The following DHRS13 variants were observed in gnomAD, a reference collection of about 807,000 sequenced individuals.
DHRS13 encodes the protein dehydrogenase/reductase SDR family member 13.
In DHRS13, 22 loss-of-function variants were observed where a neutral mutation model predicts 17.9. That is an observed-to-expected ratio of 1.23 (90% confidence interval 0.88 to 1.75). The LOEUF is 1.75. DHRS13 is among the 40% of genes most tolerant of loss of function. DHRS13 has a pLI of 0.00. For missense variants in DHRS13, 483 were observed against 519.9 expected, an observed-to-expected ratio of 0.93 and a Z score of 0.69; for synonymous variants, 206 against 220.4, an observed-to-expected ratio of 0.93 and a Z score of 0.58.
In DHRS13 at chr17:28,902,566, C is replaced by A. The variant is rs781307875; in HGVS notation, c.246+17G>T. On this transcript the variant is annotated intron_variant, in intron 2 of 4. Transcript: ENST00000378895. This position sits in a 1 kb window ranked among gnomAD's most constrained non-coding sequence, Gnocchi z 4.0. ...GGTTCTCGGCTCACCGTCCCACGCG[C>A]CCCCGCTGCCTCTCACCTGGCGGAG... The A allele has an allele frequency of 1.4e-6, 2 of 1,475,244 alleles. No homozygotes were observed. The highest frequency in any genetic ancestry group is 1.8e-6 in the Non-Finnish European group (2 of 1,121,520). The allele number at this position is 1,475,244 out of a possible 1,614,324, so 91.4% of individuals were successfully genotyped here. A position where few individuals can be genotyped will look rare whatever the true frequency, so the allele number is the denominator to read the frequency against.
Position 28,899,913 on chromosome 17 carries a change from TTC to T in DHRS13, c.683-1023_683-1022del, listed in dbSNP as rs2039793324. Among the ~76,000 whole-genome samples the T allele has an allele frequency of 6.6e-6, 1 of 151,438 alleles. No individual in the cohort carries two copies. The highest frequency in any genetic ancestry group is 2.1e-4 in the South Asian group (1 of 4,814). On this transcript the variant is annotated intron_variant, in intron 4 of 4. Transcript: ENST00000378895. This position sits in a 1 kb window ranked among gnomAD's most constrained non-coding sequence, Gnocchi z 4.7. Reference sequence around the variant, plus strand: ...AGTAGAGACAGGTTTTCTTTTTTTTTTCTTTTTTCTTTTTTTTTGAGATGGAG... The same window carrying T: ...AGTAGAGACAGGTTTTCTTTTTTTTTTTTTTTCTTTTTTTTTGAGATGGAG...
chr17:28,902,900 G>T lies in DHRS13; in HGVS notation c.45C>A (p.Tyr15Ter). 1.3e-5 allele frequency: 20 copies of T among 1,555,188 alleles called. No individual in the cohort carries two copies. Among genetic ancestry groups the T allele is most frequent in the Non-Finnish European group, 1.6e-5 (18 of 1,158,768 alleles). ...LLGAGLLLGA[Y>*]VLVYYNLVKA... ...TCACCAGGTTGTAGTAGACAAGCAC[G>T]TAAGCGCCCAGCAGCAACCCCGCGC... Residue 15 changes from tyrosine (Y) to a stop codon, truncating the protein, a stop_gained, in exon 1 of 5, where the codon TAC becomes TAA. Coordinates refer to ENST00000378895, the MANE Select transcript of DHRS13 (RefSeq NM_144683.4). LOFTEE classifies it high-confidence loss of function. The surrounding 1 kb of genome is among the most constrained non-coding windows in gnomAD (Gnocchi z 4.0).
At chr17:28,898,983 C>G in intron 4 of DHRS13, 91 bp from the exon 5 acceptor site, 6 of 1,324,208 alleles carry the variant, frequency 4.5e-6, no homozygotes, top group Non-Finnish European at 6.1e-6. Flanking sequence ...AGGAGGATCA[C>G]TTGAGCCCAG....
intron 4 of DHRS13, among the ~76,000 whole-genome samples, chr17:28,900,426 GAT>G (rs1849552066): frequency 6.6e-6 from 1 of 152,184 alleles, no homozygotes; most frequent in South Asian, 2.1e-4. Flanking sequence ...CACCTTTATA[GAT>G]ATGTCTTCCT....
At position 28,898,044 on chromosome 17, in the gene DHRS13, G is replaced by T; in HGVS notation, c.*397C>A. ...GCCTAATTCCGCTTCATTAACATGG[G>T]GGTAATTTAACTACCTAGCTAGACG... On this transcript the variant is annotated 3_prime_UTR_variant, in exon 5 of 5. Coordinates refer to ENST00000378895, the MANE Select transcript of DHRS13 (RefSeq NM_144683.4). 1 of 231,682 alleles carries T rather than the reference G, an allele frequency of 4.3e-6. No individual in the cohort carries two copies. The highest frequency in any genetic ancestry group is 8.4e-6 in the Non-Finnish European group (1 of 119,476). 14.4% of individuals were successfully genotyped at this position (231,682 alleles called of 1,614,324 possible).
At position 28,901,384 on chromosome 17, in the gene DHRS13, G is replaced by T; in HGVS notation, c.371-83C>A. Reference sequence around the variant, plus strand: ...TCCCTATCTATGAGATGGGAGAAGGGGGCATCCTTCCCATGTGTCCACTGG... The same window carrying T: ...TCCCTATCTATGAGATGGGAGAAGGTGGCATCCTTCCCATGTGTCCACTGG... On this transcript the variant is annotated intron_variant, in intron 3 of 4. Coordinates refer to ENST00000378895, the MANE Select transcript of DHRS13 (RefSeq NM_144683.4). The surrounding 1 kb of genome is among the most constrained non-coding windows in gnomAD (Gnocchi z 4.3). 6.3e-7 allele frequency: 1 copy of T among 1,588,682 alleles called. No individual in the cohort carries two copies. Among genetic ancestry groups the T allele is most frequent in the Non-Finnish European group, 8.6e-7 (1 of 1,166,586 alleles).
chr17:28,898,968 G>A (rs1375552792), intron 4 of DHRS13, 76 bp from the exon 5 acceptor site: 34 of 1,398,994 alleles, frequency 2.4e-5, no homozygotes, highest in Admixed American at 8.4e-5. Context: ...CTCGGGAGGC[G>A]GAGCAGGAGG....
chr17:28,899,035 CT>C lies in DHRS13; in HGVS notation c.683-144del. ...TGGGCAACATAGTCAAGCTCTGTCT[CT>C]TTAAAAAAAAAAACAACAACAAAAA... On this transcript the variant is annotated intron_variant, in intron 4 of 4. Transcript: ENST00000378895. The surrounding 1 kb of genome is among the most constrained non-coding windows in gnomAD (Gnocchi z 4.7). 1.2e-5 allele frequency: 8 copies of C among 643,426 alleles called. No individual in the cohort carries two copies. The highest frequency in any genetic ancestry group is 2.0e-5 in the Non-Finnish European group (8 of 405,300). 39.9% of individuals were successfully genotyped at this position (643,426 alleles called of 1,614,324 possible).
At position 28,902,928 on chromosome 17, in the gene DHRS13, A is replaced by T; in HGVS notation, c.17T>A (p.Leu6Gln). The T allele has an allele frequency of 6.5e-7, 1 of 1,546,146 alleles. No individual in the cohort carries two copies. The highest frequency in any genetic ancestry group is 8.7e-7 in the Non-Finnish European group (1 of 1,154,136). MEALL[L>Q]GAGLLLGAYV... Reference sequence around the variant, plus strand: ...AGCGCCCAGCAGCAACCCCGCGCCCAGCAGCAGCGCCTCCATGCCGGCCGC... The same window carrying T: ...AGCGCCCAGCAGCAACCCCGCGCCCTGCAGCAGCGCCTCCATGCCGGCCGC... The change falls in exon 1 of 5, where the codon CTG becomes CAG. Residue 6 changes from leucine to glutamine, a missense_variant. Coordinates refer to ENST00000378895, the MANE Select transcript of DHRS13 (RefSeq NM_144683.4). The surrounding 1 kb of genome is among the most constrained non-coding windows in gnomAD (Gnocchi z 4.0).
chr17:28,898,961 G>C (rs908205243), intron 4 of DHRS13, 69 bp from the exon 5 acceptor site: 1 of 1,444,982 alleles, frequency 6.9e-7, no homozygotes, highest in African/African-American at 1.4e-5. Context: ...ACAGCTACTC[G>C]GGAGGCGGAG....
rs573676535 is a variant in DHRS13, at chr17:28,900,996, G to T, written c.676C>A (p.His226Asn). 1 of 1,591,604 alleles carries T rather than the reference G, an allele frequency of 6.3e-7. No homozygotes were observed. Among genetic ancestry groups the T allele is most frequent in the East Asian group, 2.2e-5 (1 of 44,554 alleles). Residue 226 changes from histidine (H) to asparagine (N), a missense_variant, in exon 4 of 5, where the codon CAC (histidine) becomes AAC (asparagine). Transcript: ENST00000378895. ...EATGVTCYAA[H>N]PGPVNSELFL... ...CCAAAGAACCAGACCTCACCTGGGT[G>T]GGCTGCATAGCAGGTGACGCCAGTG...
chr17:28,902,494 A>G lies in DHRS13; in HGVS notation c.246+89T>C. On this transcript the variant is annotated intron_variant, in intron 2 of 4. Transcript: ENST00000378895. This position sits in a 1 kb window ranked among gnomAD's most constrained non-coding sequence, Gnocchi z 4.0. ...GCCCGCGCCGCGCTCTCCTCCCTGG[A>G]CCCGGATCCTCCGCAGCCCCTTTGC... The G allele has an allele frequency of 7.8e-7, 1 of 1,283,960 alleles. No individual in the cohort carries two copies. The highest frequency in any genetic ancestry group is 1.7e-5 in the South Asian group (1 of 59,688). The allele number at this position is 1,283,960 out of a possible 1,614,324, so 79.5% of individuals were successfully genotyped here. A position where few individuals can be genotyped will look rare whatever the true frequency, so the allele number is the denominator to read the frequency against.
intron 4 of DHRS13, 103 bp from the exon 5 acceptor site, chr17:28,898,995 AG>A (rs1433225247): frequency 2.6e-6 from 3 of 1,140,806 alleles, no homozygotes; most frequent in Non-Finnish European, 3.6e-6. Context: ...TGAGCCCAGG[AG>A]TTTGAGACCA....
rs1455487060 is a variant in DHRS13, at chr17:28,899,984, G to A, written c.682+1006C>T. On this transcript the variant is annotated intron_variant, in intron 4 of 4. Coordinates refer to ENST00000378895, the MANE Select transcript of DHRS13 (RefSeq NM_144683.4). The surrounding 1 kb of genome is among the most constrained non-coding windows in gnomAD (Gnocchi z 4.7). ...GCTGGAGTGCGGTGGCGTGATCACG[G>A]CTCACTGCAACCTCCACCTCCCGGA... 6.6e-6 allele frequency among the ~76,000 whole-genome samples: 1 copy of A among 151,776 alleles called. No individual in the cohort carries two copies. Among genetic ancestry groups the A allele is most frequent in the African/African-American group, 2.4e-5 (1 of 41,284 alleles).
In DHRS13 at chr17:28,902,672, C is replaced by T. The variant is rs1393544651; in HGVS notation, c.157G>A (p.Ala53Thr). The T allele has an allele frequency of 4.2e-6, 6 of 1,412,592 alleles. No individual in the cohort carries two copies. Among genetic ancestry groups the T allele is most frequent in the South Asian group, 1.5e-5 (1 of 67,648 alleles). The allele number at this position is 1,412,592 out of a possible 1,614,324, so 87.5% of individuals were successfully genotyped here. The change falls in exon 2 of 5, where the codon GCG (alanine) becomes ACG (threonine). Residue 53 changes from alanine to threonine, a missense_variant. Coordinates refer to ENST00000378895, the MANE Select transcript of DHRS13 (RefSeq NM_144683.4). This position sits in a 1 kb window ranked among gnomAD's most constrained non-coding sequence, Gnocchi z 4.0. Reference sequence around the variant, plus strand: ...GCTCCCCGGCGCGCCAGCTCCAGCGCCGTCATCTTTCCGATGCCGCTGTTG... The same window carrying T: ...GCTCCCCGGCGCGCCAGCTCCAGCGTCGTCATCTTTCCGATGCCGCTGTTG... ...GANSGIGKMT[A>T]LELARRGARV... is the part of the protein sequence containing the mutation.
intron 4 of DHRS13, among the ~76,000 whole-genome samples, chr17:28,900,780 C>T (rs1368601124): frequency 6.6e-6 from 1 of 152,100 alleles, no homozygotes; most frequent in Non-Finnish European, 1.5e-5. Context: ...AGGACCCAGG[C>T]TTGTGGTGTG....
In DHRS13 at chr17:28,902,393, C is replaced by T. The variant is rs1356425763; in HGVS notation, c.246+190G>A. Among the ~76,000 whole-genome samples the T allele has an allele frequency of 1.3e-5, 2 of 152,204 alleles. No individual in the cohort carries two copies. The highest frequency in any genetic ancestry group is 4.8e-5 in the African/African-American group (2 of 41,440). On this transcript the variant is annotated intron_variant, in intron 2 of 4. Coordinates refer to ENST00000378895, the MANE Select transcript of DHRS13 (RefSeq NM_144683.4). The surrounding 1 kb of genome is among the most constrained non-coding windows in gnomAD (Gnocchi z 4.0). ...ACTGCAATTACGGCCTTCAGGAAGC[C>T]CCTCCCCCACTCGGCTCTGGTGCGC...
chr17:28,901,111 C>T lies in DHRS13; in HGVS notation c.561G>A (p.Val187=), dbSNP rs777128075. The T allele has an allele frequency of 2.0e-5, 32 of 1,614,088 alleles. 1 individual carries two copies. Among genetic ancestry groups the T allele is most frequent in the Non-Finnish European group, 2.6e-5 (31 of 1,180,044 alleles). Residue 187 remains valine (V), a synonymous_variant, in exon 4 of 5, where the codon GTG becomes GTA. Transcript: ENST00000378895. The surrounding 1 kb of genome is among the most constrained non-coding windows in gnomAD (Gnocchi z 4.3). The part of the protein sequence containing the change: ...RLDFKRLDRP[V]VGWRQELRAY... ...CCCGCAGCTCCTGCCGCCAGCCCAC[C>T]ACTGGGCGGTCCAGGCGTTTGAAGT...
chr17:28,902,703 T>C lies in DHRS13; in HGVS notation c.128-2A>G. 1 of 1,359,432 alleles carries C rather than the reference T, an allele frequency of 7.4e-7. No homozygotes were observed. Among genetic ancestry groups the C allele is most frequent in the Non-Finnish European group, 9.4e-7 (1 of 1,064,030 alleles). 84.2% of individuals were successfully genotyped at this position (1,359,432 alleles called of 1,614,324 possible). A position where few individuals can be genotyped will look rare whatever the true frequency, so the allele number is the denominator to read the frequency against. ...TCTTTCCGATGCCGCTGTTGGCGCC[T>C]GCGGACCGCGGGCGGGAGCCGAGCT... On this transcript the variant is annotated splice_acceptor_variant, in intron 1 of 4. Transcript: ENST00000378895. LOFTEE classifies it high-confidence loss of function. This position sits in a 1 kb window ranked among gnomAD's most constrained non-coding sequence, Gnocchi z 4.0.
Sources: allele counts gnomAD v4.1 joint callset (sites outside exome capture counted in the v4.1 genomes callset), GRCh38; gene constraint gnomAD v4.1.1; non-coding constraint Gnocchi (gnomAD v3.1); transcripts MANE v1.5; gene names NCBI Gene and HGNC (gene_info 2026-07-23, HGNC 2026-07-21).